ABCC6: variants seen among roughly 807,000 people sequenced by gnomAD.
ABCC6 encodes ATP-binding cassette sub-family C member 6.
Under a neutral mutation model 169.5 loss-of-function variants are expected in ABCC6, and 126 were observed. The observed-to-expected ratio is 0.74, with a 90% confidence interval of 0.64 to 0.86. The LOEUF is 0.86. Ranked by LOEUF, ABCC6 falls within the 40% of genes least tolerant of loss-of-function variation. The pLI is 0.00. For synonymous variants in ABCC6, 752 were observed against 814.7 expected (o/e 0.92, Z 1.31); for missense variants, 1,733 against 1,927.2 (o/e 0.90, Z 1.89).
At chr16:16,178,356 C>T (rs2047355862) in intron 18 of ABCC6, among the ~76,000 whole-genome samples, 1 of 151,888 alleles carries the variant, frequency 6.6e-6, no homozygotes, top group Non-Finnish European at 1.5e-5. Context: ...AAAAGTTACA[C>T]ACATGTGCTT....
At chr16:16,220,721 C>T (rs914870089) in intron 2 of ABCC6, among the ~76,000 whole-genome samples, 13 of 152,028 alleles carry the variant, frequency 8.6e-5, no homozygotes, top group African/African-American at 2.9e-4. Context: ...CATGGCGAAA[C>T]CCTGTTTCTA....
At chr16:16,172,060 AAT>A (rs2047106302) in intron 21 of ABCC6, among the ~76,000 whole-genome samples, 1 of 28,088 alleles carries the variant, frequency 3.6e-5, no homozygotes, top group South Asian at 1.5e-3. Flanking sequence ...GGGATGGATA[AAT>A]GAGTGGGTGG....
intron 25 of ABCC6, among the ~76,000 whole-genome samples, chr16:16,159,971 C>T (rs993270321): frequency 1.2e-4 from 18 of 152,080 alleles, no homozygotes; most frequent in Admixed American, 1.0e-3. Flanking sequence ...TTTCCCATGA[C>T]ACTTAGAACC....
chr16:16,192,124 G>T (rs1406470556), intron 11 of ABCC6, among the ~76,000 whole-genome samples: 1 of 152,196 alleles, frequency 6.6e-6, no homozygotes, highest in African/African-American at 2.4e-5. Context: ...CGCCCTGACT[G>T]CAGGGAGGTG....
At position 16,221,631 on chromosome 16, in the gene ABCC6, C is replaced by T. The variant is rs1478250868; in HGVS notation, c.219+18G>A. ...CCCGAACATTGCCTGGTTCCAGGCTCCCAGGGATGGCAGCTACCATCTTGG... is the reference window on the plus strand; with the variant it reads ...CCCGAACATTGCCTGGTTCCAGGCTTCCAGGGATGGCAGCTACCATCTTGG... On this transcript the variant is annotated intron_variant, in intron 2 of 30. Coordinates refer to ENST00000205557, the MANE Select transcript of ABCC6 (RefSeq NM_001171.6). 2 of 1,613,572 alleles carry T rather than the reference C, an allele frequency of 1.2e-6. No individual in the cohort carries two copies. Among genetic ancestry groups the T allele is most frequent in the African/African-American group, 1.3e-5 (1 of 75,028 alleles).
chr16:16,198,665 A>T (rs1299781624), intron 9 of ABCC6, among the ~76,000 whole-genome samples: 1 of 151,236 alleles, frequency 6.6e-6, no homozygotes. Context: ...CCCGCGCGAC[A>T]TAGTAAGACC....
rs8058696 is a variant in ABCC6, at chr16:16,185,012, G to C, written c.1890C>G (p.Thr630=). 0.46 allele frequency: 745,917 copies of C among 1,608,362 alleles called. 178,860 individuals are homozygous for C. Among genetic ancestry groups the C allele is most frequent in the Non-Finnish European group, 0.5 (588,885 of 1,175,140 alleles). Residue 630 remains threonine (T), a synonymous_variant, in exon 15 of 31, where the codon ACC becomes ACG. Transcript: ENST00000205557. Reference sequence around the variant, plus strand: ...ACCAGGCGAAGGTGGCACTGTGTATGGTGATGCAATCCTTCCCGGCAGCTG... The same window carrying C: ...ACCAGGCGAAGGTGGCACTGTGTATCGTGATGCAATCCTTCCCGGCAGCTG... The part of the protein sequence containing the change: ...SGSAAGKDCI[T]IHSATFAWSQ...
Position 16,173,625 on chromosome 16 carries a change from C to T in ABCC6, c.2667-221G>A, listed in dbSNP as rs183671979. Among the ~76,000 whole-genome samples, 7 of 152,240 alleles carry T rather than the reference C, an allele frequency of 4.6e-5. No homozygotes were observed. The East Asian group carries it at 1.4e-3, about 29-fold the overall frequency. On this transcript the variant is annotated intron_variant, in intron 20 of 30. Transcript: ENST00000205557. ...TCTATTACCCCAGGGTCAAGCAAGC[C>T]CATTCTTCTGATGCCAATTCACAGG...
intron 21 of ABCC6, among the ~76,000 whole-genome samples, chr16:16,172,260 G>T (rs1008374929): frequency 3.0e-5 from 4 of 131,450 alleles, no homozygotes; most frequent in Non-Finnish European, 1.6e-5. Context: ...ATGGGTGGGT[G>T]GGATGGATAA....
chr16:16,170,857 T>A (rs553928773), intron 21 of ABCC6, among the ~76,000 whole-genome samples: 19 of 134,454 alleles, frequency 1.4e-4, no homozygotes, highest in Non-Finnish European at 2.6e-4. Flanking sequence ...AGGTGGAGGT[T>A]GCAGTGAGCT....
Position 16,154,687 on chromosome 16 carries a change from C to A in ABCC6, c.4149G>T (p.Leu1383Phe), listed in dbSNP as rs757540398. Residue 1383 changes from leucine (L) to phenylalanine (F), a missense_variant, in exon 29 of 31, where the codon TTG becomes TTT. Leu to Phe is a conservative substitution (Grantham distance 22). This residue lies in a region of ABCC6 where 1,601 missense variants were observed against 1,635.5 expected (regional missense o/e 0.98). Transcript: ENST00000205557. ...AALETVQLKA[L>F]VASLPGQLQY... ...GCAGCTGGCCGGGCAGGCTGGCCAC[C>A]AAGGCTTTGAGCTGCACCGTCTCCA... The A allele has an allele frequency of 4.3e-6, 7 of 1,613,448 alleles. No individual in the cohort carries two copies. The Admixed American group carries it at 1.2e-4, about 27-fold the overall frequency.
In ABCC6 at chr16:16,149,640, T is replaced by G; in HGVS notation, c.*493A>C. On this transcript the variant is annotated 3_prime_UTR_variant, in exon 31 of 31. Transcript: ENST00000205557. ...CTGGCTGTGATGCTTTATCCTAGAGTTTTGCAAGATGTTACCATTGGGTGA... is the reference window on the plus strand; with the variant it reads ...CTGGCTGTGATGCTTTATCCTAGAGGTTTGCAAGATGTTACCATTGGGTGA... 1 of 273,654 alleles carries G rather than the reference T, an allele frequency of 3.7e-6. No individual in the cohort carries two copies. 17.0% of individuals were successfully genotyped at this position (273,654 alleles called of 1,614,324 possible).
chr16:16,157,926 T>C, intron 26 of ABCC6, 117 bp from the exon 27 acceptor site: 1 of 1,153,860 alleles, frequency 8.7e-7, no homozygotes, highest in Non-Finnish European at 1.2e-6. Context: ...TTATTGCTGT[T>C]TTACAGGGTT....
chr16:16,209,410 A>G (rs1388959402), intron 6 of ABCC6, among the ~76,000 whole-genome samples: 1 of 152,040 alleles, frequency 6.6e-6, no homozygotes, highest in Non-Finnish European at 1.5e-5. Flanking sequence ...ATAATTGTAT[A>G]AATGTATGAG....
rs763980825 is a variant in ABCC6 at position 16,161,555 on chromosome 16, C to T, written c.3516G>A (p.Ala1172=). Reference sequence around the variant, plus strand: ...CATTCCCCAGGAGCTCCACATTGGCCGCAAGCCACCTGCAAAGGGAAGCGA... The same window carrying T: ...CATTCCCCAGGAGCTCCACATTGGCTGCAAGCCACCTGCAAAGGGAAGCGA... ...FPRLVADRWL[A]ANVELLGNGL... The change falls in exon 25 of 31, where the codon GCG becomes GCA. Residue 1172 remains alanine (A), a synonymous_variant. Coordinates refer to ENST00000205557, the MANE Select transcript of ABCC6 (RefSeq NM_001171.6). 8.1e-6 allele frequency: 13 copies of T among 1,613,776 alleles called. No homozygotes were observed. Among genetic ancestry groups the T allele is most frequent in the African/African-American group, 2.7e-5 (2 of 74,918 alleles).
chr16:16,184,958 C>T lies in ABCC6; in HGVS notation c.1943+1G>A. 1 of 1,612,468 alleles carries T rather than the reference C, an allele frequency of 6.2e-7. No individual in the cohort carries two copies. The highest frequency in any genetic ancestry group is 8.5e-7 in the Non-Finnish European group (1 of 1,178,494). ...TGGTTACTACGGGTGTCGTTCTGTA[C>T]CTGTGGAGGCAGGGAGGGCTTTCCT... is the stretch of plus-strand genomic sequence containing the variant. On this transcript the variant is annotated splice_donor_variant, in intron 15 of 30. Coordinates refer to ENST00000205557, the MANE Select transcript of ABCC6 (RefSeq NM_001171.6). LOFTEE classifies it high-confidence loss of function.
At chr16:16,186,787 C>T (rs1265787964) in intron 14 of ABCC6, among the ~76,000 whole-genome samples, 1 of 151,772 alleles carries the variant, frequency 6.6e-6, no homozygotes, top group African/African-American at 2.4e-5. Context: ...ATCCCAAAAC[C>T]ACGCGCCTCT....
rs142377854 is a variant in ABCC6, at chr16:16,169,778, G to T, written c.2863C>A (p.Leu955Ile). The change falls in exon 22 of 31, where the codon CTC (leucine) becomes ATC (isoleucine). Residue 955 changes from leucine (L) to isoleucine (I), a missense_variant. By Grantham distance (5) the Leu-to-Ile change is conservative. Transcript: ENST00000205557. ...CAGAAGGAGGCCACTTGCTGGCAGA[G>T]GAAGAGGAAGAGTGCGTAGAGGCAG... is the stretch of plus-strand genomic sequence containing the variant. ...PLCLYALFLFLCQQVASFCRG... is the reference protein window; with the variant it reads ...PLCLYALFLFICQQVASFCRG... 9 of 1,589,520 alleles carry T rather than the reference G, an allele frequency of 5.7e-6. No homozygotes were observed. The African/African-American group carries it at 1.1e-4, about 19-fold the overall frequency.
chr16:16,219,042 C>T (rs2048979847), intron 4 of ABCC6, among the ~76,000 whole-genome samples: 3 of 92,556 alleles, frequency 3.2e-5, no homozygotes, highest in Non-Finnish European at 3.8e-5. Flanking sequence ...CCAGTCTGGG[C>T]GACAGAGCAA....
Sources: allele counts gnomAD v4.1 joint callset (sites outside exome capture counted in the v4.1 genomes callset), GRCh38; gene constraint gnomAD v4.1.1; regional missense constraint gnomAD v4.1.1; transcripts MANE v1.5; gene names NCBI Gene and HGNC (gene_info 2026-07-23, HGNC 2026-07-21).